DSCAML1: variants seen among roughly 807,000 people sequenced by gnomAD.
DSCAML1 encodes the protein DS cell adhesion molecule like 1.
DSCAML1 carries 38 observed loss-of-function variants against 200.5 expected under a neutral mutation model. The observed-to-expected ratio is 0.19, with a 90% CI of 0.15 to 0.25. DSCAML1 has a LOEUF of 0.25. Among genes scored for constraint, DSCAML1 ranks in the 10% least tolerant of loss-of-function variants. DSCAML1 has a pLI of 1.00. For synonymous variants in DSCAML1, 1,215 were observed against 1,165.0 expected (o/e 1.04, Z -0.87); for missense variants, 2,223 against 2,858.8 (o/e 0.78, Z 5.07).
At chr11:117,756,734 G>A (rs1449038484) in intron 3 of DSCAML1, among the ~76,000 whole-genome samples, 1 of 151,946 alleles carries the variant, frequency 6.6e-6, no homozygotes, top group African/African-American at 2.4e-5. Flanking sequence ...TGAAAAACCC[G>A]GTTCCAGATG....
At chr11:117,511,414 T>G in intron 8 of DSCAML1, among the ~76,000 whole-genome samples, 1 of 152,166 alleles carries the variant, frequency 6.6e-6, no homozygotes, top group Middle Eastern at 3.2e-3. Context: ...CAGCCCTGCC[T>G]TCCTAGTTAA....
At chr11:117,617,230 C>T (rs1006151279) in intron 3 of DSCAML1, among the ~76,000 whole-genome samples, 1 of 152,124 alleles carries the variant, frequency 6.6e-6, no homozygotes, top group Non-Finnish European at 1.5e-5. Flanking sequence ...CTGGGGACAC[C>T]TTCTGAGCTC....
chr11:117,772,790 C>T (rs1296326535), intron 3 of DSCAML1, among the ~76,000 whole-genome samples: 2 of 152,170 alleles, frequency 1.3e-5, no homozygotes, highest in Non-Finnish European at 2.9e-5. Flanking sequence ...AGCCTTTGGC[C>T]CTCTTACCCC....
intron 7 of DSCAML1, among the ~76,000 whole-genome samples, chr11:117,517,097 T>G (rs140036162): frequency 6.6e-6 from 1 of 152,082 alleles, no homozygotes; most frequent in African/African-American, 2.4e-5. Flanking sequence ...TCCTCATTTA[T>G]GGGGAGATTA....
In DSCAML1 at chr11:117,518,040, C is replaced by G. The variant is rs1421721459; in HGVS notation, c.1510+426G>C. Among the ~76,000 whole-genome samples the G allele has an allele frequency of 6.6e-6, 1 of 152,184 alleles. No homozygotes were observed. Among genetic ancestry groups the G allele is most frequent in the African/African-American group, 2.4e-5 (1 of 41,448 alleles). On this transcript the variant is annotated intron_variant, in intron 7 of 32. Transcript: ENST00000651296. This position sits in a 1 kb window ranked among gnomAD's most constrained non-coding sequence, Gnocchi z 6.3. ...ACAGAGGGAGCACAGCTTGGGTGGG[C>G]AACCATGTTAAAGACCAAGCCTGGT...
At chr11:117,661,352 G>T (rs374017246) in intron 3 of DSCAML1, among the ~76,000 whole-genome samples, 1 of 152,184 alleles carries the variant, frequency 6.6e-6, no homozygotes, top group South Asian at 2.1e-4. Context: ...GGCTTCTGCC[G>T]CAAGGGAGGA....
intron 3 of DSCAML1, among the ~76,000 whole-genome samples, chr11:117,769,140 TATTA>T (rs1271857742): frequency 9.1e-6 from 1 of 109,426 alleles, no homozygotes; most frequent in Non-Finnish European, 1.7e-5. Flanking sequence ...GTATATTATA[TATTA>T]TATATATTTT....
Position 117,428,293 on chromosome 11 carries a change from G to T in DSCAML1, c.*35C>A. Reference sequence around the variant, plus strand: ...AGCTGGCGTGTGGGGCTGCGGCGCGGCGCGGTCCAGGCGTGGCTGCTCTTC... The same window carrying T: ...AGCTGGCGTGTGGGGCTGCGGCGCGTCGCGGTCCAGGCGTGGCTGCTCTTC... On this transcript the variant is annotated 3_prime_UTR_variant, in exon 33 of 33. Transcript: ENST00000651296. The T allele has an allele frequency of 1.6e-6, 2 of 1,215,114 alleles. No individual in the cohort carries two copies. Among genetic ancestry groups the T allele is most frequent in the Non-Finnish European group, 2.4e-6 (2 of 835,342 alleles). 75.3% of individuals were successfully genotyped at this position (1,215,114 alleles called of 1,614,324 possible).
chr11:117,552,645 G>C (rs557377371), intron 3 of DSCAML1, among the ~76,000 whole-genome samples: 1 of 152,190 alleles, frequency 6.6e-6, no homozygotes, highest in Non-Finnish European at 1.5e-5. Flanking sequence ...ATGCAAGAGG[G>C]TCCTGTAATC....
intron 3 of DSCAML1, among the ~76,000 whole-genome samples, chr11:117,703,172 C>G (rs2053698413): frequency 6.6e-6 from 1 of 152,152 alleles, no homozygotes; most frequent in African/African-American, 2.4e-5. Context: ...CCCAGCAACT[C>G]CATTATGCAA....
At chr11:117,794,076 A>G (rs892785687) in intron 1 of DSCAML1, among the ~76,000 whole-genome samples, 2 of 140,128 alleles carry the variant, frequency 1.4e-5, no homozygotes, top group African/African-American at 5.1e-5. Context: ...AGAATGTTGG[A>G]GATTTTCTTA....
At chr11:117,448,067 A>G (rs2048215258) in intron 20 of DSCAML1, among the ~76,000 whole-genome samples, 1 of 152,190 alleles carries the variant, frequency 6.6e-6, no homozygotes, top group South Asian at 2.1e-4. Flanking sequence ...GCAAATCGCA[A>G]GACATGAAGA....
chr11:117,786,928 G>A (rs956099914), intron 1 of DSCAML1, among the ~76,000 whole-genome samples: 1 of 150,402 alleles, frequency 6.6e-6, no homozygotes, highest in East Asian at 1.9e-4. Context: ...GGGTCTTCAG[G>A]GGAGCAGGGG....
In DSCAML1 at chr11:117,532,388, G is replaced by T; in HGVS notation, c.646C>A (p.Leu216Ile). ...CCCTCTCCCCTACCTGTCACAGAGA[G>T]GCGTGCCCCATTGCTCTGCCGGGTC... Reference protein sequence around the residue: ...GETRQSNGARLSVTDPAESIP... With the variant: ...GETRQSNGARISVTDPAESIP... The change falls in exon 4 of 33, where the codon CTC becomes ATC. Residue 216 changes from leucine to isoleucine, a missense_variant. Around this residue, in one of 7 missense-constraint regions of DSCAML1, gnomAD observed 579 missense variants for 721.5 expected, o/e 0.80. Transcript: ENST00000651296. 6.2e-7 allele frequency: 1 copy of T among 1,613,924 alleles called. No homozygotes were observed.
Position 117,780,519 on chromosome 11 carries a change from C to T in DSCAML1, c.338G>A (p.Arg113Gln). Residue 113 changes from arginine to glutamine, a missense_variant, in exon 2 of 33, where the codon CGG becomes CAG. Coordinates refer to ENST00000651296, the MANE Select transcript of DSCAML1 (RefSeq NM_020693.4). This position sits in a 1 kb window ranked among gnomAD's most constrained non-coding sequence, Gnocchi z 4.8. ...CTAENAAGKI[R>Q]SPNIRVKAVF... ...TGCTTTGACGCGGATGTTGGGGCTC[C>T]GGATCTTGCCGGCAGCGTTCTCCGC... is the stretch of plus-strand genomic sequence containing the variant. 1 of 1,453,666 alleles carries T rather than the reference C, an allele frequency of 6.9e-7. No individual in the cohort carries two copies. Among genetic ancestry groups the T allele is most frequent in the Non-Finnish European group, 9.1e-7 (1 of 1,096,774 alleles). 90.0% of individuals were successfully genotyped at this position (1,453,666 alleles called of 1,614,324 possible).
In DSCAML1 at chr11:117,428,714, G is replaced by T. The variant is rs773171775; in HGVS notation, c.5776C>A (p.Arg1926Ser). Residue 1926 changes from arginine (R) to serine (S), a missense_variant, in exon 33 of 33, where the codon CGT becomes AGT. Physicochemically the swap from Arg to Ser is moderately radical, Grantham distance 110. Coordinates refer to ENST00000651296, the MANE Select transcript of DSCAML1 (RefSeq NM_020693.4). ...GCCAGGTTCCGGATGGAGGCCTCACGGGGTGGGACCACGGGGCAGGGCTCA... is the reference window on the plus strand; with the variant it reads ...GCCAGGTTCCGGATGGAGGCCTCACTGGGTGGGACCACGGGGCAGGGCTCA... ...GREPCPVVPP[R>S]EASIRNLART... The T allele has an allele frequency of 1.2e-6, 2 of 1,613,298 alleles. No individual in the cohort carries two copies. The highest frequency in any genetic ancestry group is 1.7e-6 in the Non-Finnish European group (2 of 1,179,782).
intron 3 of DSCAML1, among the ~76,000 whole-genome samples, chr11:117,736,776 C>T (rs1376938395): frequency 1.3e-5 from 2 of 152,192 alleles, no homozygotes; most frequent in African/African-American, 4.8e-5. Context: ...TATTGACAAG[C>T]AAATGGTTTT....
At chr11:117,452,970 G>A (rs765145639) in intron 19 of DSCAML1, among the ~76,000 whole-genome samples, 10 of 151,968 alleles carry the variant, frequency 6.6e-5, no homozygotes, top group Non-Finnish European at 1.3e-4. Flanking sequence ...TCACTCTGTT[G>A]CTCAGGCTGA....
chr11:117,759,403 C>T (rs1280462840), intron 3 of DSCAML1, among the ~76,000 whole-genome samples: 1 of 152,192 alleles, frequency 6.6e-6, no homozygotes, highest in Non-Finnish European at 1.5e-5. Context: ...CAGCTGTTGA[C>T]CCTGCCCCGC....
Sources: allele counts gnomAD v4.1 joint callset (sites outside exome capture counted in the v4.1 genomes callset), GRCh38; gene constraint gnomAD v4.1.1; regional missense constraint gnomAD v4.1.1; non-coding constraint Gnocchi (gnomAD v3.1); transcripts MANE v1.5; gene names NCBI Gene and HGNC (gene_info 2026-07-23, HGNC 2026-07-21).